NECTIN3: variants seen among roughly 807,000 people sequenced by gnomAD.
NECTIN3 encodes nectin-3.
In NECTIN3, 8 loss-of-function variants were observed where a neutral mutation model predicts 49.4. The ratio of observed to expected loss-of-function variants is 0.16; its 90% CI spans 0.10 to 0.29. The LOEUF (loss-of-function observed/expected upper bound fraction) is 0.29. NECTIN3 is among the 10% of genes least tolerant of loss of function. The probability of loss-of-function intolerance (pLI) is 1.00; values close to 1 mark genes in which losing one functional copy is unlikely to be tolerated. For missense variants in NECTIN3, 581 were observed against 654.6 expected (o/e 0.89, Z 1.23); for synonymous variants, 277 against 241.1 (o/e 1.15, Z -1.38).
rs2034503244 is a variant in NECTIN3, at chr3:111,134,361, A to G, written c.*146A>G. 7.1e-7 allele frequency: 1 copy of G among 1,401,350 alleles called. No homozygotes were observed. The highest frequency in any genetic ancestry group is 9.2e-7 in the Non-Finnish European group (1 of 1,081,788). The allele number at this position is 1,401,350 out of a possible 1,614,324, so 86.8% of individuals were successfully genotyped here. A position where few individuals can be genotyped will look rare whatever the true frequency, so the allele number is the denominator to read the frequency against. On this transcript the variant is annotated 3_prime_UTR_variant, in exon 6 of 6. Transcript: ENST00000485303. Reference sequence around the variant, plus strand: ...TTTTTATATTCTAATCTGACAAATGAAAATGTAAAATCTGAGTTCAGTGTA... The same window carrying G: ...TTTTTATATTCTAATCTGACAAATGGAAATGTAAAATCTGAGTTCAGTGTA...
intron 3 of NECTIN3, 142 bp downstream of exon 3, chr3:111,119,094 G>C (rs1470648156): frequency 2.5e-6 from 2 of 811,066 alleles, no homozygotes; most frequent in East Asian, 5.5e-5. Context: ...CATTTAACCA[G>C]AACATTTTTA....
chr3:111,125,501 T>TA (rs2034128876), intron 4 of NECTIN3, among the ~76,000 whole-genome samples: 1 of 152,164 alleles, frequency 6.6e-6, no homozygotes, highest in African/African-American at 2.4e-5. Flanking sequence ...CTACATGGTT[T>TA]AGAGTAATAT....
At chr3:111,081,575 C>G (rs906646008) in intron 1 of NECTIN3, among the ~76,000 whole-genome samples, 2 of 152,024 alleles carry the variant, frequency 1.3e-5, no homozygotes, top group Non-Finnish European at 1.5e-5. Context: ...ATACAACAAA[C>G]AATACAGTGA....
At chr3:111,148,800 A>G (rs566546681) in intron 7 of NECTIN3, among the ~76,000 whole-genome samples, 12 of 151,916 alleles carry the variant, frequency 7.9e-5, no homozygotes, top group African/African-American at 2.4e-4. Flanking sequence ...AATCTTTTGT[A>G]TTATATTCAT....
Position 111,134,498 on chromosome 3 carries a change from A to T in NECTIN3, c.*283A>T. ...CACACAGGTAAGAAGAAATGTCAAC[A>T]TTAAATGTATGACTTACTTGGTACA... On this transcript the variant is annotated 3_prime_UTR_variant, in exon 6 of 6. Transcript: ENST00000485303. The T allele has an allele frequency of 3.8e-6, 4 of 1,051,480 alleles. No homozygotes were observed. Among genetic ancestry groups the T allele is most frequent in the Non-Finnish European group, 4.6e-6 (4 of 868,910 alleles). 65.1% of individuals were successfully genotyped at this position (1,051,480 alleles called of 1,614,324 possible).
At chr3:111,077,875 A>G (rs1001294428) in intron 1 of NECTIN3, among the ~76,000 whole-genome samples, 8 of 152,218 alleles carry the variant, frequency 5.3e-5, no homozygotes, top group Admixed American at 2.0e-4. Flanking sequence ...AGCACGTTTT[A>G]ATAGAACTAT....
upstream of NECTIN3, chr3:111,192,286 A>G: frequency 2.2e-6 from 3 of 1,368,422 alleles, no homozygotes; most frequent in Non-Finnish European, 3.0e-6. Context: ...AAAAATAGGA[A>G]TCTTAGTGGT....
At chr3:111,155,533 A>T (rs189473809) in intron 7 of NECTIN3, among the ~76,000 whole-genome samples, 46 of 152,344 alleles carry the variant, frequency 3.0e-4, no homozygotes, top group Admixed American at 9.2e-4. Flanking sequence ...AATACAAAAA[A>T]GTCTGGACAG....
intron 1 of NECTIN3, among the ~76,000 whole-genome samples, chr3:111,088,033 A>G (rs973321996): frequency 6.6e-6 from 1 of 151,984 alleles, no homozygotes; most frequent in Non-Finnish European, 1.5e-5. Flanking sequence ...GAGGTAATAT[A>G]GTTGGATGTT....
intron 1 of NECTIN3, among the ~76,000 whole-genome samples, chr3:111,082,873 A>G (rs1035160016): frequency 6.6e-6 from 1 of 152,110 alleles, no homozygotes; most frequent in Non-Finnish European, 1.5e-5. Flanking sequence ...GTGATGGGAG[A>G]TAGTGACAGA....
intron 1 of NECTIN3, among the ~76,000 whole-genome samples, chr3:111,089,450 T>TAC (rs917574881): frequency 7.0e-6 from 1 of 142,662 alleles, no homozygotes; most frequent in Non-Finnish European, 1.5e-5. Flanking sequence ...AACATATACA[T>TAC]ACACACACAT....
chr3:111,141,756 A>G (rs955999500), downstream of NECTIN3, among the ~76,000 whole-genome samples: 14 of 151,882 alleles, frequency 9.2e-5, no homozygotes, highest in African/African-American at 3.1e-4. Flanking sequence ...TTTAGTGGTA[A>G]TTATTTTATA....
chr3:111,169,386 T>TTC (rs1166771843), intron 7 of NECTIN3, among the ~76,000 whole-genome samples: 1 of 150,850 alleles, frequency 6.6e-6, no homozygotes, highest in East Asian at 1.9e-4. Context: ...TTTTTTTTTT[T>TTC]TTTTTTTTTT....
chr3:111,091,433 T>C (rs991566274), intron 1 of NECTIN3, among the ~76,000 whole-genome samples: 6 of 152,102 alleles, frequency 3.9e-5, no homozygotes. Flanking sequence ...TTGTATTTTT[T>C]AGTAGAGACG....
At chr3:111,159,152 A>G (rs938648080) in intron 7 of NECTIN3, among the ~76,000 whole-genome samples, 1 of 152,180 alleles carries the variant, frequency 6.6e-6, no homozygotes, top group African/African-American at 2.4e-5. Flanking sequence ...TAGTTTACAT[A>G]ACAATTTATA....
Position 111,137,114 on chromosome 3 carries a change from G to A in NECTIN3, c.*2899G>A. 1 of 979,236 alleles carries A rather than the reference G, an allele frequency of 1.0e-6. No individual in the cohort carries two copies. The highest frequency in any genetic ancestry group is 1.2e-6 in the Non-Finnish European group (1 of 824,490). 60.7% of individuals were successfully genotyped at this position (979,236 alleles called of 1,614,324 possible). A position where few individuals can be genotyped will look rare whatever the true frequency, so the allele number is the denominator to read the frequency against. On this transcript the variant is annotated 3_prime_UTR_variant, in exon 6 of 6. Coordinates refer to ENST00000485303, the MANE Select transcript of NECTIN3 (RefSeq NM_015480.3). The stretch of plus-strand genomic sequence containing the variant: ...AGTACAGTGTATAAGTACAGAAATT[G>A]AGAGAAATGTAGTCATTTTATATGT...
chr3:111,102,200 A>AG (rs1284358797), intron 1 of NECTIN3, among the ~76,000 whole-genome samples: 1 of 152,152 alleles, frequency 6.6e-6, no homozygotes, highest in Non-Finnish European at 1.5e-5. Flanking sequence ...GCTTTTTGGC[A>AG]GTTTTCAAGA....
intron 7 of NECTIN3, among the ~76,000 whole-genome samples, chr3:111,178,281 G>T (rs2035566671): frequency 1.3e-5 from 2 of 152,126 alleles, no homozygotes; most frequent in South Asian, 4.2e-4. Flanking sequence ...GCCTGTATTT[G>T]AAAAGTTAGC....
At chr3:111,072,717 T>TCC in intron 1 of NECTIN3, 1 of 809,156 alleles carries the variant, frequency 1.2e-6, no homozygotes, top group South Asian at 1.8e-5. Context: ...TTGTGCCCAC[T>TCC]CCCCCGGCTC....
Sources: gnomAD v4.1 joint callset for allele counts (sites outside exome capture counted in the v4.1 genomes callset) on GRCh38, gnomAD v4.1.1 for gene constraint, MANE v1.5 for transcripts, NCBI Gene and HGNC (gene_info 2026-07-23, HGNC 2026-07-21) for gene names.